NPHP1: variants seen among roughly 807,000 people sequenced by gnomAD.
NPHP1 encodes nephrocystin-1.
In NPHP1, 70 loss-of-function variants were observed where a neutral mutation model predicts 90.4. The ratio of observed to expected loss-of-function variants is 0.77; its 90% CI spans 0.64 to 0.95. NPHP1 has a LOEUF of 0.95. Ranked by LOEUF, NPHP1 falls within the 40% of genes least tolerant of loss-of-function variation. The pLI is 0.00. For missense variants in NPHP1, 764 were observed against 795.9 expected, an observed-to-expected ratio of 0.96 and a Z score of 0.48; for synonymous variants, 256 against 271.7, an observed-to-expected ratio of 0.94 and a Z score of 0.57.
intron 2 of NPHP1, chr2:110,185,027 G>A (rs866104189): frequency 6.6e-6 from 4 of 605,226 alleles, no homozygotes; most frequent in Middle Eastern, 3.9e-4. Flanking sequence ...ACTGAGTGAA[G>A]TGAAGATCAG....
At chr2:110,194,333 C>A (rs1427982569) in intron 2 of NPHP1, among the ~76,000 whole-genome samples, 1 of 152,000 alleles carries the variant, frequency 6.6e-6, no homozygotes, top group Non-Finnish European at 1.5e-5. Flanking sequence ...ATATCACCAC[C>A]GATCCCACAG....
At chr2:110,138,842 G>A (rs1574075033) in intron 16 of NPHP1, among the ~76,000 whole-genome samples, 3 of 151,956 alleles carry the variant, frequency 2.0e-5, no homozygotes, top group African/African-American at 7.2e-5. Context: ...GCTTTGCCTG[G>A]CAGGCATTGG....
chr2:110,183,684 G>A (rs564653464), intron 2 of NPHP1, among the ~76,000 whole-genome samples: 5 of 152,102 alleles, frequency 3.3e-5, no homozygotes, highest in Admixed American at 3.3e-4. Context: ...AAAGTGACTT[G>A]GACTCCCATA....
At chr2:110,160,074 G>A (rs944664497) in intron 11 of NPHP1, 53 bp downstream of exon 11, 29 of 1,571,374 alleles carry the variant, frequency 1.8e-5, no homozygotes, top group Non-Finnish European at 2.5e-5. Flanking sequence ...GAATCTAAGG[G>A]AATGTTTCTC....
Position 110,131,788 on chromosome 2 carries a change from T to C in NPHP1, c.1533A>G (p.Leu511=). Reference sequence around the variant, plus strand: ...TATTTCCAATTAATGTTTCTGGCAGTAGACTATTAAAGAAGAAAAAAATGT... The same window carrying C: ...TATTTCCAATTAATGTTTCTGGCAGCAGACTATTAAAGAAGAAAAAAATGT... ...LNRRSRNVLS[L]LPETLIGNMC... is the part of the protein sequence containing the mutation. The change falls in exon 17 of 20, where the codon CTA becomes CTG. Residue 511 remains leucine (L), a synonymous_variant. Coordinates refer to ENST00000445609, the MANE Select transcript of NPHP1 (RefSeq NM_001128178.3). The C allele has an allele frequency of 6.3e-7, 1 of 1,579,624 alleles. No individual in the cohort carries two copies. Among genetic ancestry groups the C allele is most frequent in the Non-Finnish European group, 8.7e-7 (1 of 1,148,990 alleles).
At chr2:110,141,657 A>AAGTGCTAC (rs1256868092) in intron 16 of NPHP1, among the ~76,000 whole-genome samples, 3 of 152,130 alleles carry the variant, frequency 2.0e-5, no homozygotes, top group African/African-American at 7.2e-5. Context: ...TGAGAGTGCA[A>AAGTGCTAC]AGTGCTACAG....
At chr2:110,199,438 T>G (rs1574212352) in intron 2 of NPHP1, among the ~76,000 whole-genome samples, 1 of 149,176 alleles carries the variant, frequency 6.7e-6, no homozygotes, top group East Asian at 2.0e-4. Context: ...ATATGACTGC[T>G]GAAATAAAAC....
At chr2:110,193,189 C>G (rs1684875800) in intron 2 of NPHP1, among the ~76,000 whole-genome samples, 1 of 152,030 alleles carries the variant, frequency 6.6e-6, no homozygotes, top group African/African-American at 2.4e-5. Context: ...GCTAAATGCT[C>G]CAATTAAAAG....
At chr2:110,143,947 G>A (rs772643714) in intron 15 of NPHP1, 24 of 377,408 alleles carry the variant, frequency 6.4e-5, no homozygotes, top group South Asian at 1.4e-4. Context: ...CAGGACTGGC[G>A]TTGTGGGGTC....
chr2:110,163,182 G>T (rs1451500960), intron 8 of NPHP1, 47 bp from the exon 9 acceptor site: 2 of 1,312,396 alleles, frequency 1.5e-6, no homozygotes, highest in African/African-American at 1.4e-5. Flanking sequence ...TCATGTTTCT[G>T]CATCTCTATA....
chr2:110,204,852 C>T, intron 1 of NPHP1, 48 bp downstream of exon 1: 8 of 1,590,756 alleles, frequency 5.0e-6, no homozygotes, highest in Non-Finnish European at 6.0e-6. Flanking sequence ...CGCGCAGCTG[C>T]GTCCGCCTGT....
intron 12 of NPHP1, among the ~76,000 whole-genome samples, chr2:110,149,431 TAAG>T (rs963125566): frequency 1.9e-4 from 29 of 152,152 alleles, no homozygotes; most frequent in African/African-American, 7.0e-4. Flanking sequence ...GGAAGGGTGC[TAAG>T]AAGATCAAGA....
chr2:110,166,897 G>T (rs1196959973), intron 6 of NPHP1, among the ~76,000 whole-genome samples: 2 of 151,992 alleles, frequency 1.3e-5, no homozygotes. Flanking sequence ...TAGCCCTTTG[G>T]CCACATGTAG....
At chr2:110,170,031 AAAT>A (rs1209878948) in intron 4 of NPHP1, 33 bp from the exon 5 acceptor site, 2 of 1,611,996 alleles carry the variant, frequency 1.2e-6, no homozygotes, top group East Asian at 2.2e-5. Context: ...GGACTACTTG[AAAT>A]AATATACAAG....
At chr2:110,164,786 T>A in intron 7 of NPHP1, 56 bp from the exon 8 acceptor site, 1 of 1,409,060 alleles carries the variant, frequency 7.1e-7, no homozygotes, top group Non-Finnish European at 1.0e-6. Flanking sequence ...TTCACTCAAT[T>A]AGGGAACTTC....
rs149349302 is a variant in NPHP1 at position 110,199,222 on chromosome 2, C to T, written c.143+2199G>A. Reference sequence around the variant, plus strand: ...CCATGATGGGTGGATCACCTGAAGTCGGGAGTTTGAGAGCAGCCTGGCCAA... The same window carrying T: ...CCATGATGGGTGGATCACCTGAAGTTGGGAGTTTGAGAGCAGCCTGGCCAA... On this transcript the variant is annotated intron_variant, in intron 2 of 19. Transcript: ENST00000445609. Among the ~76,000 whole-genome samples, 600 of 152,072 alleles carry T rather than the reference C, an allele frequency of 3.9e-3. 16 individuals carry two copies. Among genetic ancestry groups the T allele is most frequent in the Admixed American group, 0.034 (515 of 15,276 alleles).
At chr2:110,185,006 G>C in intron 2 of NPHP1, 1 of 615,096 alleles carries the variant, frequency 1.6e-6, no homozygotes, top group Non-Finnish European at 3.1e-6. Flanking sequence ...CAAAGGTTTT[G>C]GTGACAGGCT....
In NPHP1 at chr2:110,123,992, G is replaced by A. The variant is rs1355506056; in HGVS notation, c.1833C>T (p.Ser611=). ...CCCACCTGAATGGGGGTAGGCGTGTGGAGTGGAGAAGTGGGAGCACGCAGT... is the reference window on the plus strand; with the variant it reads ...CCCACCTGAATGGGGGTAGGCGTGTAGAGTGGAGAAGTGGGAGCACGCAGT... The part of the protein sequence containing the change: ...YHDCVLPLLH[S]TRLPPFRWAE... The change falls in exon 20 of 20, where the codon TCC becomes TCT. Residue 611 remains serine, a synonymous_variant. Coordinates refer to ENST00000445609, the MANE Select transcript of NPHP1 (RefSeq NM_001128178.3). 3 of 1,614,044 alleles carry A rather than the reference G, an allele frequency of 1.9e-6. No individual in the cohort carries two copies. In the South Asian group the frequency reaches 3.3e-5, roughly 18 times the overall value.
At chr2:110,184,589 C>A in intron 2 of NPHP1, 1 of 1,227,626 alleles carries the variant, frequency 8.1e-7, no homozygotes, top group East Asian at 2.4e-5. Context: ...CCATGCCCCA[C>A]TCCATCATGC....
Sources: gnomAD v4.1 joint callset for allele counts (sites outside exome capture counted in the v4.1 genomes callset) on GRCh38, gnomAD v4.1.1 for gene constraint, MANE v1.5 for transcripts, NCBI Gene and HGNC (gene_info 2026-07-23, HGNC 2026-07-21) for gene names.